Variants in MAML3 observed in about 807,000 individuals in gnomAD.
The protein encoded by MAML3 is mastermind-like protein 3.
MAML3 carries 27 observed loss-of-function variants against 101.9 expected under a neutral mutation model. The ratio of observed to expected loss-of-function variants is 0.27; its 90% CI spans 0.20 to 0.37. The LOEUF (loss-of-function observed/expected upper bound fraction) is 0.37, where lower values mean the gene tolerates loss of function less well. Among genes scored for constraint, MAML3 ranks in the 10% least tolerant of loss-of-function variants. The pLI is 1.00. For missense variants in MAML3, 1,316 were observed against 1,444.9 expected (o/e 0.91, Z 1.45); for synonymous variants, 501 against 555.9 (o/e 0.90, Z 1.39).
intron 1 of MAML3, among the ~76,000 whole-genome samples, chr4:139,934,724 C>A (rs11938452): frequency 0.016 from 2,391 of 152,226 alleles, 66 homozygotes; most frequent in African/African-American, 0.054. Context: ...AAGGAAAAAA[C>A]CAAACTCAAC....
At chr4:139,923,051 C>T (rs892536138) in intron 1 of MAML3, among the ~76,000 whole-genome samples, 5 of 152,166 alleles carry the variant, frequency 3.3e-5, no homozygotes, top group Admixed American at 2.0e-4. Context: ...CAGAGGGATA[C>T]GTAACACACT....
intron 2 of MAML3, among the ~76,000 whole-genome samples, chr4:139,774,309 C>T (rs1379051215): frequency 6.6e-6 from 1 of 152,238 alleles, no homozygotes; most frequent in Non-Finnish European, 1.5e-5. Flanking sequence ...ACTGTCTCCT[C>T]CAAGTCTGTA....
intron 2 of MAML3, among the ~76,000 whole-genome samples, chr4:139,805,689 T>C (rs1489085599): frequency 1.3e-5 from 2 of 152,204 alleles, no homozygotes; most frequent in Admixed American, 6.5e-5. Context: ...ATAGATTTAA[T>C]ATAATTCAAA....
At chr4:139,731,817 C>T (rs1579371377) in intron 2 of MAML3, among the ~76,000 whole-genome samples, 1 of 152,062 alleles carries the variant, frequency 6.6e-6, no homozygotes, top group Non-Finnish European at 1.5e-5. Flanking sequence ...TGCTCAAAGG[C>T]GAAGTTTATG....
intron 2 of MAML3, among the ~76,000 whole-genome samples, chr4:139,864,923 C>CTTGTTTTTTTTTTTTT (rs56928318): frequency 1.6e-5 from 1 of 62,456 alleles, no homozygotes. Flanking sequence ...TGCAAACTTG[C>CTTGTTTTTTTTTTTTT]TTTTTTTTTT....
chr4:139,878,105 G>A lies in MAML3; in HGVS notation c.2079+11252C>T, dbSNP rs139781538. On this transcript the variant is annotated intron_variant, in intron 2 of 4. Coordinates refer to ENST00000509479, the MANE Select transcript of MAML3 (RefSeq NM_018717.5). The stretch of plus-strand genomic sequence containing the variant: ...TGTTCTCCCATTCAAATTTTGCCTC[G>A]CTATTCCGCACCGGAACCCTTCCCT... Among the ~76,000 whole-genome samples the A allele has an allele frequency of 7.2e-3, 1,099 of 152,212 alleles. 10 individuals carry two copies. Among genetic ancestry groups the A allele is most frequent in the Non-Finnish European group, 0.012 (805 of 68,016 alleles).
chr4:139,996,068 AT>A (rs1221682109), intron 1 of MAML3, among the ~76,000 whole-genome samples: 1 of 151,982 alleles, frequency 6.6e-6, no homozygotes, highest in African/African-American at 2.4e-5. Context: ...CCAATTCCAA[AT>A]ATTTCTATTA....
rs191848729 is a variant in MAML3 at position 139,722,453 on chromosome 4, A to G, written c.2417-2130T>C. On this transcript the variant is annotated intron_variant, in intron 4 of 4. Coordinates refer to ENST00000509479, the MANE Select transcript of MAML3 (RefSeq NM_018717.5). ...GATTACTACATGTGTTAAACAACAGATTATGTTTTCTTTTTCTTTTTTTGG... is the reference window on the plus strand; with the variant it reads ...GATTACTACATGTGTTAAACAACAGGTTATGTTTTCTTTTTCTTTTTTTGG... Among the ~76,000 whole-genome samples the G allele has an allele frequency of 6.6e-5, 10 of 152,292 alleles. No individual in the cohort carries two copies. In the East Asian group the frequency reaches 1.9e-3, roughly 29 times the overall value.
chr4:139,865,499 T>TTG (rs1553961157), intron 2 of MAML3, among the ~76,000 whole-genome samples: 5 of 80,934 alleles, frequency 6.2e-5, no homozygotes, highest in African/African-American at 1.6e-4. Context: ...TTTTTTTGTT[T>TTG]TTTTTTTTTT....
At chr4:139,741,780 G>T (rs998236629) in intron 2 of MAML3, among the ~76,000 whole-genome samples, 9 of 152,128 alleles carry the variant, frequency 5.9e-5, no homozygotes, top group African/African-American at 2.2e-4. Context: ...AGATCGGGCT[G>T]CTCTAAGTCC....
intron 1 of MAML3, among the ~76,000 whole-genome samples, chr4:139,990,681 C>T (rs1657068736): frequency 6.6e-6 from 1 of 151,958 alleles, no homozygotes; most frequent in Non-Finnish European, 1.5e-5. Context: ...TCTCCTTAAG[C>T]TGATAAGCAA....
chr4:140,022,256 G>GT (rs887512644), intron 1 of MAML3, among the ~76,000 whole-genome samples: 1 of 152,200 alleles, frequency 6.6e-6, no homozygotes, highest in South Asian at 2.1e-4. Flanking sequence ...TGGGTAAAAT[G>GT]TTTTTTTAGT....
chr4:139,959,863 T>C (rs1209762614), intron 1 of MAML3, among the ~76,000 whole-genome samples: 1 of 152,148 alleles, frequency 6.6e-6, no homozygotes, highest in Non-Finnish European at 1.5e-5. Context: ...ATTAAAAGGG[T>C]AAGGAAATTC....
rs977228014 is a variant in MAML3, at chr4:140,006,328, G to C, written c.469-115361C>G. ...AGGCCGGGTGCGGTTGCTCACCCCTGTAATCCCAGCACTTTGGGAGGCCAA... is the reference window on the plus strand; with the variant it reads ...AGGCCGGGTGCGGTTGCTCACCCCTCTAATCCCAGCACTTTGGGAGGCCAA... On this transcript the variant is annotated intron_variant, in intron 1 of 4. Transcript: ENST00000509479. Among the ~76,000 whole-genome samples the C allele has an allele frequency of 2.6e-5, 4 of 152,218 alleles. No homozygotes were observed. In the South Asian group the frequency reaches 8.3e-4, roughly 32 times the overall value.
Position 139,890,329 on chromosome 4 carries a change from G to A in MAML3, c.1107C>T (p.Val369=). Residue 369 remains valine, a synonymous_variant, in exon 2 of 5, where the codon GTC becomes GTT. Transcript: ENST00000509479. The surrounding 1 kb of genome is among the most constrained non-coding windows in gnomAD (Gnocchi z 4.1). ...GCCTCGCCTGGGGAGATCCCATGGA[G>A]ACATGTGCGAAGGGAGAGTGAGAGG... ...SDPSHSPFAH[V]SMGSPQARPS... is the part of the protein sequence containing the mutation. 6.2e-7 allele frequency: 1 copy of A among 1,611,346 alleles called. No homozygotes were observed. The highest frequency in any genetic ancestry group is 8.5e-7 in the Non-Finnish European group (1 of 1,178,294).
chr4:140,006,199 AT>A (rs892077932), intron 1 of MAML3, among the ~76,000 whole-genome samples: 1 of 152,070 alleles, frequency 6.6e-6, no homozygotes. Flanking sequence ...CTTGTTCCTA[AT>A]TCGAGGGGGC....
At chr4:140,107,548 A>G (rs1021560582) in intron 1 of MAML3, among the ~76,000 whole-genome samples, 1 of 149,100 alleles carries the variant, frequency 6.7e-6, no homozygotes, top group East Asian at 2.0e-4. Context: ...TCTGTCACCC[A>G]GGCTGGAATG....
At chr4:139,844,729 G>C (rs1731413694) in intron 2 of MAML3, among the ~76,000 whole-genome samples, 2 of 152,220 alleles carry the variant, frequency 1.3e-5, no homozygotes, top group Non-Finnish European at 2.9e-5. Flanking sequence ...GGGATATAGG[G>C]ATGGTGGGCA....
chr4:139,845,002 C>G (rs1336409721), intron 2 of MAML3, among the ~76,000 whole-genome samples: 2 of 150,484 alleles, frequency 1.3e-5, no homozygotes, highest in Non-Finnish European at 2.9e-5. Context: ...CTGTCTCTCT[C>G]TCTGTCTCTC....
Sources: gnomAD v4.1 joint callset for allele counts (sites outside exome capture counted in the v4.1 genomes callset) on GRCh38, gnomAD v4.1.1 for gene constraint, Gnocchi (gnomAD v3.1) non-coding constraint, MANE v1.5 for transcripts, NCBI Gene and HGNC (gene_info 2026-07-23, HGNC 2026-07-21) for gene names.